The following PPP2R2B variants were observed in gnomAD, a reference collection of about 807,000 sequenced individuals.
The protein encoded by PPP2R2B is protein phosphatase 2 regulatory subunit Bbeta, also known as serine/threonine-protein phosphatase 2A 55 kDa regulatory subunit B beta isoform.
PPP2R2B carries 5 observed loss-of-function variants against 46.0 expected under a neutral mutation model. That is an observed-to-expected ratio of 0.11 (90% CI 0.06 to 0.23). The LOEUF is 0.23. PPP2R2B is among the 10% of genes least tolerant of loss of function. PPP2R2B has a pLI of 1.00. For missense variants in PPP2R2B, 367 were observed against 575.0 expected, an observed-to-expected ratio of 0.64 and a Z score of 3.70; for synonymous variants, 215 against 206.7, an observed-to-expected ratio of 1.04 and a Z score of -0.34.
intron 2 of PPP2R2B, 29 bp downstream of exon 2, chr5:146,877,973 A>T (rs902733750): frequency 6.2e-7 from 1 of 1,606,412 alleles, no homozygotes; most frequent in African/African-American, 1.3e-5. Context: ...CCCGGCCCCA[A>T]CGGCGGAATG....
At chr5:146,796,257 A>C (rs1387503585) in intron 2 of PPP2R2B, among the ~76,000 whole-genome samples, 3 of 152,214 alleles carry the variant, frequency 2.0e-5, no homozygotes, top group South Asian at 2.1e-4. Flanking sequence ...GTATGCTCCC[A>C]TACGTCCAAG....
At chr5:146,677,757 A>T (rs148433998) in intron 5 of PPP2R2B, among the ~76,000 whole-genome samples, 2 of 152,020 alleles carry the variant, frequency 1.3e-5, no homozygotes, top group African/African-American at 4.8e-5. Context: ...TGAACTCCTG[A>T]GCTCAAGCGA....
At chr5:146,916,630 C>G (rs372192718) in intron 1 of PPP2R2B, among the ~76,000 whole-genome samples, 1 of 152,126 alleles carries the variant, frequency 6.6e-6, no homozygotes, top group African/African-American at 2.4e-5. Context: ...CTTCCCTCAT[C>G]CATCTGAGTG....
chr5:146,992,504 T>C (rs1413572259), intron 1 of PPP2R2B, among the ~76,000 whole-genome samples: 1 of 152,166 alleles, frequency 6.6e-6, no homozygotes, highest in East Asian at 1.9e-4. Context: ...GACTCTATGT[T>C]GCGGGGAGGG....
At chr5:146,681,429 G>A (rs1019706283) in intron 5 of PPP2R2B, among the ~76,000 whole-genome samples, 6 of 152,054 alleles carry the variant, frequency 3.9e-5, no homozygotes, top group South Asian at 2.1e-4. Flanking sequence ...TTCGGGGACC[G>A]GAGACACACC....
chr5:146,937,131 G>A lies in PPP2R2B; in HGVS notation c.79+118534C>T, dbSNP rs192011932. On this transcript the variant is annotated intron_variant, in intron 1 of 8. Transcript: ENST00000336640. Reference sequence around the variant, plus strand: ...AGCCTGGCTAACATGGTGAAACCCCGTCTCTACTAAAAATACAAAATTAGC... The same window carrying A: ...AGCCTGGCTAACATGGTGAAACCCCATCTCTACTAAAAATACAAAATTAGC... 2.1e-4 allele frequency among the ~76,000 whole-genome samples: 32 copies of A among 152,094 alleles called. No individual in the cohort carries two copies. The Middle Eastern group carries it at 0.014, about 65-fold the overall frequency.
intron 1 of PPP2R2B, among the ~76,000 whole-genome samples, chr5:146,899,027 G>A (rs554460199): frequency 2.0e-5 from 3 of 151,610 alleles, no homozygotes; most frequent in Admixed American, 2.0e-4. Flanking sequence ...CTGTTGGTGG[G>A]ACTGTAAACT....
Position 146,581,169 on chromosome 5 carries a change from C to T in PPP2R2B, c.*8778G>A, listed in dbSNP as rs977021411. On this transcript the variant is annotated 3_prime_UTR_variant, in exon 10 of 10. Transcript: ENST00000394411. ...TTGTAAAGGAATGAGGTTTAATTGG[C>T]TCATGGTTCCACAGGCTGTACAGGA... 6.6e-6 allele frequency: 1 copy of T among 152,116 alleles called. No homozygotes were observed. Among genetic ancestry groups the T allele is most frequent in the African/African-American group, 2.4e-5 (1 of 41,402 alleles). The allele number at this position is 152,116 out of a possible 1,614,324, so 9.4% of individuals were successfully genotyped here.
intron 2 of PPP2R2B, among the ~76,000 whole-genome samples, chr5:146,792,305 A>T (rs879302197): frequency 6.6e-6 from 1 of 152,244 alleles, no homozygotes; most frequent in Non-Finnish European, 1.5e-5. Context: ...AATGTTAAAT[A>T]GTTCAAGAGC....
At chr5:146,803,695 A>G (rs1757001645) in intron 2 of PPP2R2B, among the ~76,000 whole-genome samples, 1 of 152,216 alleles carries the variant, frequency 6.6e-6, no homozygotes, top group South Asian at 2.1e-4. Context: ...CCCTGGGGTA[A>G]TGGTAAGGAA....
Position 146,833,266 on chromosome 5 carries a change from C to T in PPP2R2B, c.70+44736G>A, listed in dbSNP as rs922140542. Among the ~76,000 whole-genome samples the T allele has an allele frequency of 5.3e-5, 8 of 152,078 alleles. No individual in the cohort carries two copies. In the South Asian group the frequency reaches 1.2e-3, roughly 24 times the overall value. On this transcript the variant is annotated intron_variant, in intron 2 of 9. Transcript: ENST00000394411. Reference sequence around the variant, plus strand: ...TGAGGCTCTAAGTGAACACTTTCTACAAAGGGAATTTTTATCTACATCCCC... The same window carrying T: ...TGAGGCTCTAAGTGAACACTTTCTATAAAGGGAATTTTTATCTACATCCCC...
intron 1 of PPP2R2B, among the ~76,000 whole-genome samples, chr5:147,004,729 G>A (rs971349843): frequency 2.0e-5 from 3 of 152,138 alleles, no homozygotes; most frequent in African/African-American, 7.2e-5. Context: ...CTAGGCATTG[G>A]AAGAAACAAA....
At chr5:146,997,683 C>G (rs1753984588) in intron 1 of PPP2R2B, among the ~76,000 whole-genome samples, 1 of 152,118 alleles carries the variant, frequency 6.6e-6, no homozygotes, top group Non-Finnish European at 1.5e-5. Context: ...TTATTTTAAG[C>G]TAACAGTAGA....
chr5:146,660,523 A>C (rs1399492713), intron 5 of PPP2R2B, among the ~76,000 whole-genome samples: 3 of 152,106 alleles, frequency 2.0e-5, no homozygotes, highest in African/African-American at 7.2e-5. Flanking sequence ...AGAAAGCAGG[A>C]GTGATAGGCT....
intron 2 of PPP2R2B, among the ~76,000 whole-genome samples, chr5:146,779,911 G>A (rs1326661923): frequency 6.6e-6 from 1 of 152,152 alleles, no homozygotes; most frequent in African/African-American, 2.4e-5. Flanking sequence ...GGTGAAGTCT[G>A]CTTTTGAGTT....
chr5:146,793,558 G>A (rs961235630), intron 2 of PPP2R2B, among the ~76,000 whole-genome samples: 9 of 151,950 alleles, frequency 5.9e-5, no homozygotes, highest in African/African-American at 1.9e-4. Context: ...TAAGGAAATC[G>A]AGGCTCATGG....
intron 2 of PPP2R2B, among the ~76,000 whole-genome samples, chr5:146,792,691 C>T (rs1756277619): frequency 6.6e-6 from 1 of 152,132 alleles, no homozygotes; most frequent in African/African-American, 2.4e-5. Flanking sequence ...AGGAAATTGG[C>T]TATGCAGATG....
At chr5:146,625,304 T>C (rs1039151745) in intron 7 of PPP2R2B, among the ~76,000 whole-genome samples, 3 of 152,230 alleles carry the variant, frequency 2.0e-5, no homozygotes, top group African/African-American at 7.2e-5. Context: ...ACAAGGTAGG[T>C]ATTTTATTAT....
chr5:146,969,346 T>C (rs1362333317), intron 1 of PPP2R2B, among the ~76,000 whole-genome samples: 1 of 152,150 alleles, frequency 6.6e-6, no homozygotes, highest in Non-Finnish European at 1.5e-5. Context: ...AAATACACAG[T>C]ATTTCATTAT....
Sources: gnomAD v4.1 joint callset for allele counts (sites outside exome capture counted in the v4.1 genomes callset) on GRCh38, gnomAD v4.1.1 for gene constraint, MANE v1.5 for transcripts, NCBI Gene and HGNC (gene_info 2026-07-23, HGNC 2026-07-21) for gene names.